The following OR6N1 variants were observed in gnomAD, a reference collection of about 807,000 sequenced individuals.
OR6N1 encodes the protein olfactory receptor 6N1.
For synonymous variants in OR6N1, 170 were observed against 150.7 expected, an observed-to-expected ratio of 1.13 and a Z score of -0.94; for missense variants, 394 against 371.7, an observed-to-expected ratio of 1.06 and a Z score of -0.49.
upstream of OR6N1, chr1:158,775,288 C>A (rs944467087): frequency 6.6e-6 from 1 of 152,084 alleles, no homozygotes; most frequent in African/African-American, 2.4e-5. Context: ...GAAAATCACA[C>A]AATTAGGAGG....
chr1:158,783,963 G>T, the OR6N1 span, among the ~76,000 whole-genome samples: 2 of 152,022 alleles, frequency 1.3e-5, no homozygotes, highest in Non-Finnish European at 2.9e-5. Flanking sequence ...AAAATTAGCC[G>T]GATATGGTGG....
At chr1:158,775,587 T>A (rs1054615709), upstream of OR6N1, 4 of 152,328 alleles carry the variant, frequency 2.6e-5, no homozygotes, top group Admixed American at 1.3e-4. Context: ...CTTTATATTT[T>A]ATGTGGAAAA....
chr1:158,817,788 G>C, the OR6N1 span, among the ~76,000 whole-genome samples: 10 of 152,196 alleles, frequency 6.6e-5, no homozygotes, highest in African/African-American at 2.4e-4. Context: ...CCTGGGCTGA[G>C]GCCCAGAAGC....
chr1:158,821,299 A>G, the OR6N1 span, among the ~76,000 whole-genome samples: 1 of 152,182 alleles, frequency 6.6e-6, no homozygotes, highest in African/African-American at 2.4e-5. Flanking sequence ...ATCAATGAAC[A>G]TGTGTCCAAT....
At chr1:158,783,819 G>A in the OR6N1 span, among the ~76,000 whole-genome samples, 3 of 152,022 alleles carry the variant, frequency 2.0e-5, no homozygotes, top group Non-Finnish European at 4.4e-5. Flanking sequence ...TTAAGAAAAG[G>A]CTAGGGACTG....
the OR6N1 span, among the ~76,000 whole-genome samples, chr1:158,807,816 T>C: frequency 1.1e-5 from 1 of 93,436 alleles, no homozygotes; most frequent in Admixed American, 9.6e-5. Flanking sequence ...AAATGCAGCT[T>C]AACCACTTGT....
At chr1:158,786,073 C>G in the OR6N1 span, among the ~76,000 whole-genome samples, 1 of 152,074 alleles carries the variant, frequency 6.6e-6, no homozygotes, top group Admixed American at 6.6e-5. Context: ...AAAAGACACA[C>G]CACAGAGTGG....
At chr1:158,780,820 G>A in the OR6N1 span, among the ~76,000 whole-genome samples, 1 of 152,144 alleles carries the variant, frequency 6.6e-6, no homozygotes, top group Non-Finnish European at 1.5e-5. Context: ...AGAAACCTCT[G>A]CCTTCTACCA....
At chr1:158,770,196 C>T (rs1657389504) in intron 1 of OR6N1, among the ~76,000 whole-genome samples, 1 of 152,176 alleles carries the variant, frequency 6.6e-6, no homozygotes. Flanking sequence ...TCTCCTTTCT[C>T]AGAAGGTAGA....
chr1:158,789,617 T>A, the OR6N1 span, among the ~76,000 whole-genome samples: 1 of 152,214 alleles, frequency 6.6e-6, no homozygotes, highest in Non-Finnish European at 1.5e-5. Flanking sequence ...CTATAACTCC[T>A]AGCCATTATA....
the OR6N1 span, among the ~76,000 whole-genome samples, chr1:158,790,121 G>A: frequency 5.3e-5 from 8 of 152,138 alleles, no homozygotes; most frequent in Admixed American, 5.2e-4. Flanking sequence ...TGTTCGTGGT[G>A]TATTTGTCAA....
chr1:158,799,277 C>A, the OR6N1 span, among the ~76,000 whole-genome samples: 1 of 152,052 alleles, frequency 6.6e-6, no homozygotes, highest in African/African-American at 2.4e-5. Context: ...ACGAACGTAC[C>A]CATAAAATAT....
At chr1:158,815,195 A>T in the OR6N1 span, among the ~76,000 whole-genome samples, 1 of 152,200 alleles carries the variant, frequency 6.6e-6, no homozygotes, top group Non-Finnish European at 1.5e-5. Flanking sequence ...TGTCAACCTC[A>T]TTTAATCCTT....
chr1:158,825,332 G>A, the OR6N1 span, among the ~76,000 whole-genome samples: 28 of 152,024 alleles, frequency 1.8e-4, no homozygotes, highest in South Asian at 3.3e-3. Flanking sequence ...CCAGCTACTC[G>A]GGAGGCTGAG....
In OR6N1 at chr1:158,765,422, A is replaced by G; in HGVS notation, c.*322T>C. ...ATATTAAGTCAAGTAAATTTGAAAAATGCCTATAAACGTATAATAGGTAAG... is the reference window on the plus strand; with the variant it reads ...ATATTAAGTCAAGTAAATTTGAAAAGTGCCTATAAACGTATAATAGGTAAG... On this transcript the variant is annotated 3_prime_UTR_variant, in exon 2 of 2. Coordinates refer to ENST00000641846, the MANE Select transcript of OR6N1 (RefSeq NM_001005185.2). The G allele has an allele frequency of 4.9e-6, 1 of 203,088 alleles. No individual in the cohort carries two copies. Among genetic ancestry groups the G allele is most frequent in the Non-Finnish European group, 1.0e-5 (1 of 100,160 alleles). 12.6% of individuals were successfully genotyped at this position (203,088 alleles called of 1,614,324 possible). A position where few individuals can be genotyped will look rare whatever the true frequency, so the allele number is the denominator to read the frequency against.
chr1:158,766,034 A>G lies in OR6N1; in HGVS notation c.649T>C (p.Ser217Pro). The G allele has an allele frequency of 6.2e-7, 1 of 1,614,182 alleles. No individual in the cohort carries two copies. The highest frequency in any genetic ancestry group is 8.5e-7 in the Non-Finnish European group (1 of 1,180,040). Residue 217 changes from serine (S) to proline (P), a missense_variant, in exon 2 of 2, where the codon TCC becomes CCC. Physicochemically the swap from Ser to Pro is moderately conservative, Grantham distance 74. Transcript: ENST00000641846. ...ILATFLLILC[S>P]YVQIICTVLR... is the part of the protein sequence containing the mutation. ...ACTGTGCAGATGATCTGCACATAGGAGCAGAGGATCAGCAGGAAGGTGGCT... is the reference window on the plus strand; with the variant it reads ...ACTGTGCAGATGATCTGCACATAGGGGCAGAGGATCAGCAGGAAGGTGGCT...
chr1:158,793,659 G>T, the OR6N1 span, among the ~76,000 whole-genome samples: 3 of 152,206 alleles, frequency 2.0e-5, no homozygotes. Context: ...TGGAATGTCA[G>T]AGGTCTCATG....
the OR6N1 span, among the ~76,000 whole-genome samples, chr1:158,802,561 T>G: frequency 6.6e-6 from 1 of 152,088 alleles, no homozygotes; most frequent in African/African-American, 2.4e-5. Flanking sequence ...CTTAAAAGCT[T>G]TTTTTGCAAG....
At chr1:158,800,451 G>A in the OR6N1 span, among the ~76,000 whole-genome samples, 3 of 152,166 alleles carry the variant, frequency 2.0e-5, no homozygotes, top group African/African-American at 7.2e-5. Flanking sequence ...TCCACCAAAT[G>A]TCAGAAAAGA....
Sources: allele counts gnomAD v4.1 joint callset (sites outside exome capture counted in the v4.1 genomes callset), GRCh38; gene constraint gnomAD v4.1.1; transcripts MANE v1.5; gene names NCBI Gene and HGNC (gene_info 2026-07-23, HGNC 2026-07-21).